The following HSD17B4 variants were observed in gnomAD, a reference collection of about 807,000 sequenced individuals.
HSD17B4 encodes the protein peroxisomal multifunctional enzyme type 2.
A neutral mutation model predicts 101.0 loss-of-function variants in HSD17B4; 70 were observed. That is an observed-to-expected ratio of 0.69 (90% CI 0.57 to 0.85). The LOEUF (loss-of-function observed/expected upper bound fraction) is 0.85, where lower values mean the gene tolerates loss of function less well. HSD17B4 is among the 40% of genes least tolerant of loss of function. The pLI, the probability that HSD17B4 is intolerant of heterozygous loss-of-function variation, is 0.00. For synonymous variants in HSD17B4, 347 were observed against 297.1 expected (o/e 1.17, Z -1.73); for missense variants, 984 against 892.4 (o/e 1.10, Z -1.31).
intron 19 of HSD17B4, 44 bp downstream of exon 19, chr5:119,526,067 C>T (rs1376297901): frequency 9.3e-7 from 1 of 1,074,144 alleles, no homozygotes; most frequent in Admixed American, 1.7e-5. Context: ...CTTCCTTTTT[C>T]TATCTTTAGA....
intron 4 of HSD17B4, 166 bp from the exon 5 acceptor site, chr5:119,475,540 C>T: frequency 1.7e-6 from 1 of 592,188 alleles, no homozygotes; most frequent in South Asian, 2.2e-5. Context: ...TGTGAGTCAA[C>T]TTTTTTTGAT....
At chr5:119,531,568 G>GTGTGTGTGTGTGT (rs1554069007) in intron 22 of HSD17B4, among the ~76,000 whole-genome samples, 164 bp downstream of exon 22, 1 of 116,400 alleles carries the variant, frequency 8.6e-6, no homozygotes, top group Admixed American at 9.3e-5. Flanking sequence ...TCCAAAGGGG[G>GTGTGTGTGTGTGT]GTGTGTGTGT....
intron 2 of HSD17B4, among the ~76,000 whole-genome samples, chr5:119,465,491 G>C (rs1755717762): frequency 6.6e-6 from 1 of 152,158 alleles, no homozygotes; most frequent in African/African-American, 2.4e-5. Flanking sequence ...ATGATTGGAG[G>C]CTTCTTGAGG....
intron 17 of HSD17B4, among the ~76,000 whole-genome samples, chr5:119,520,346 T>C (rs1260527350): frequency 6.6e-6 from 1 of 152,130 alleles, no homozygotes; most frequent in Non-Finnish European, 1.5e-5. Flanking sequence ...CTTCCCTACA[T>C]GGCCTCTTTC....
Position 119,505,231 on chromosome 5 carries a change from T to C in HSD17B4, c.1262-1587T>C, listed in dbSNP as rs141600432. ...TTGGGATTGCTTTGACTATTCTGGC[T>C]CTTTCTGGTACCATATGAGTTTTAG... On this transcript the variant is annotated intron_variant, in intron 14 of 23. Transcript: ENST00000510025. Among the ~76,000 whole-genome samples, 403 of 152,180 alleles carry C rather than the reference T, an allele frequency of 2.6e-3. 7 individuals carry two copies. The South Asian group carries it at 0.048, about 18-fold the overall frequency.
intron 8 of HSD17B4, among the ~76,000 whole-genome samples, chr5:119,482,526 A>C (rs1313981240): frequency 6.6e-6 from 1 of 152,152 alleles, no homozygotes; most frequent in Non-Finnish European, 1.5e-5. Flanking sequence ...TTTTTGTTGA[A>C]AGTAAAAAAT....
At chr5:119,524,787 T>C (rs889385897) in intron 17 of HSD17B4, among the ~76,000 whole-genome samples, 8 of 152,134 alleles carry the variant, frequency 5.3e-5, no homozygotes, top group African/African-American at 1.9e-4. Context: ...GAGAAGTCTT[T>C]GATGTTTCTA....
Position 119,531,248 on chromosome 5 carries a change from T to A in HSD17B4, c.1855-18T>A. ...ATTTTTACAGAACTTTTAAAGTTTA[T>A]TTTGTTGTCGTTGTTAGGGCGGGAA... On this transcript the variant is annotated intron_variant, in intron 21 of 23. Transcript: ENST00000510025. 6.2e-7 allele frequency: 1 copy of A among 1,612,728 alleles called. No homozygotes were observed. Among genetic ancestry groups the A allele is most frequent in the Middle Eastern group, 1.7e-4 (1 of 6,054 alleles).
At chr5:119,535,628 C>A (rs1459311359) in intron 22 of HSD17B4, 2 of 148,172 alleles carry the variant, frequency 1.3e-5, no homozygotes, top group East Asian at 3.9e-4. Flanking sequence ...TAATTTTTAA[C>A]CTGGGTTTTT....
At chr5:119,521,265 T>C (rs2126859590) in intron 17 of HSD17B4, among the ~76,000 whole-genome samples, 1 of 152,360 alleles carries the variant, frequency 6.6e-6, no homozygotes, top group East Asian at 1.9e-4. Flanking sequence ...AATCTAATTA[T>C]CTTCCCCTGT....
intron 2 of HSD17B4, among the ~76,000 whole-genome samples, chr5:119,457,079 T>C (rs917682576): frequency 5.9e-5 from 9 of 152,196 alleles, no homozygotes; most frequent in Admixed American, 5.2e-4. Flanking sequence ...TGAAGAATCC[T>C]AAAGGTGGGA....
At chr5:119,507,019 C>A in intron 15 of HSD17B4, 130 bp downstream of exon 15, 1 of 557,082 alleles carries the variant, frequency 1.8e-6, no homozygotes, top group Non-Finnish European at 3.3e-6. Context: ...ACAAGATAAG[C>A]ATTTTTAAAC....
chr5:119,491,662 T>G (rs1750119029), intron 9 of HSD17B4, among the ~76,000 whole-genome samples: 1 of 152,152 alleles, frequency 6.6e-6, no homozygotes, highest in African/African-American at 2.4e-5. Flanking sequence ...TGTAATTCAG[T>G]AGGTCCTTCA....
chr5:119,520,978 C>T (rs1364137112), intron 17 of HSD17B4, among the ~76,000 whole-genome samples: 4 of 152,116 alleles, frequency 2.6e-5, no homozygotes, highest in Admixed American at 2.6e-4. Flanking sequence ...TGTATTATTT[C>T]CACTTTTCTG....
chr5:119,500,307 T>TAG (rs1325946032), intron 13 of HSD17B4, among the ~76,000 whole-genome samples: 7 of 152,114 alleles, frequency 4.6e-5, no homozygotes, highest in Non-Finnish European at 1.5e-5. Context: ...TGTATATATA[T>TAG]ATAGAGAGAG....
chr5:119,527,442 A>G (rs548907762), intron 20 of HSD17B4, among the ~76,000 whole-genome samples: 20 of 152,090 alleles, frequency 1.3e-4, no homozygotes, highest in African/African-American at 4.6e-4. Context: ...TTTCTCTTTT[A>G]TTTTCAACTA....
chr5:119,508,343 G>A (rs951675288), intron 15 of HSD17B4, among the ~76,000 whole-genome samples: 2 of 152,036 alleles, frequency 1.3e-5, no homozygotes, highest in Admixed American at 1.3e-4. Flanking sequence ...AGAATTTGTA[G>A]ACAAAGTGAA....
chr5:119,513,693 A>G (rs1414898234), intron 16 of HSD17B4, among the ~76,000 whole-genome samples: 1 of 152,224 alleles, frequency 6.6e-6, no homozygotes, highest in Non-Finnish European at 1.5e-5. Context: ...TAGACCAGAA[A>G]GTAATCTAAA....
chr5:119,513,618 A>G (rs1332708908), intron 16 of HSD17B4, among the ~76,000 whole-genome samples: 1 of 152,202 alleles, frequency 6.6e-6, no homozygotes, highest in Non-Finnish European at 1.5e-5. Context: ...TCCTGACCTC[A>G]GGTGTCCCAT....
Sources: gnomAD v4.1 joint callset for allele counts (sites outside exome capture counted in the v4.1 genomes callset) on GRCh38, gnomAD v4.1.1 for gene constraint, MANE v1.5 for transcripts, NCBI Gene and HGNC (gene_info 2026-07-23, HGNC 2026-07-21) for gene names.